Variants in PLCB4 observed in about 807,000 individuals in gnomAD.
PLCB4 encodes the protein 1-phosphatidylinositol 4,5-bisphosphate phosphodiesterase beta-4.
PLCB4 carries 77 observed loss-of-function variants against 178.8 expected under a neutral mutation model. That is an observed-to-expected ratio of 0.43 (90% CI 0.36 to 0.52). PLCB4 has a LOEUF of 0.52. Among genes scored for constraint, PLCB4 ranks in the 20% least tolerant of loss-of-function variants. PLCB4 has a pLI of 0.00. For synonymous variants in PLCB4, 496 were observed against 490.8 expected, an observed-to-expected ratio of 1.01 and a Z score of -0.14; for missense variants, 1,024 against 1,453.4, an observed-to-expected ratio of 0.70 and a Z score of 4.80.
intron 3 of PLCB4, among the ~76,000 whole-genome samples, chr20:9,290,026 A>C (rs941877357): frequency 6.6e-6 from 1 of 152,046 alleles, no homozygotes; most frequent in Admixed American, 6.6e-5. Flanking sequence ...TTACTGCAGA[A>C]GGTCCAGCAT....
intron 28 of PLCB4, among the ~76,000 whole-genome samples, chr20:9,427,933 A>T (rs941488029): frequency 6.6e-6 from 1 of 152,146 alleles, no homozygotes; most frequent in Non-Finnish European, 1.5e-5. Flanking sequence ...TTCTGCAACC[A>T]TAAATTTTGC....
At chr20:9,135,048 AT>A (rs2092354468) in intron 2 of PLCB4, among the ~76,000 whole-genome samples, 1 of 152,072 alleles carries the variant, frequency 6.6e-6, no homozygotes, top group East Asian at 1.9e-4. Flanking sequence ...AAGCTGTAGA[AT>A]TTTAGATTAC....
At chr20:9,394,039 G>A (rs768031018) in intron 18 of PLCB4, among the ~76,000 whole-genome samples, 30 of 152,104 alleles carry the variant, frequency 2.0e-4, no homozygotes, top group Admixed American at 4.6e-4. Context: ...AGTTTGCCCC[G>A]TGCTCTATAC....
At chr20:9,116,432 A>T (rs1259764110) in intron 2 of PLCB4, among the ~76,000 whole-genome samples, 1 of 152,180 alleles carries the variant, frequency 6.6e-6, no homozygotes, top group African/African-American at 2.4e-5. Flanking sequence ...CTAAAAATGT[A>T]CATATCTGCA....
At chr20:9,338,109 T>C in intron 6 of PLCB4, 42 bp downstream of exon 6, 3 of 1,350,688 alleles carry the variant, frequency 2.2e-6, no homozygotes, top group Non-Finnish European at 2.1e-6. Context: ...ACGGATTTAC[T>C]TATATTGGAA....
intron 2 of PLCB4, among the ~76,000 whole-genome samples, chr20:9,190,033 A>G (rs1167440016): frequency 6.6e-6 from 1 of 152,158 alleles, no homozygotes; most frequent in East Asian, 1.9e-4. Flanking sequence ...CGGAGGCACA[A>G]ACTCACATTT....
chr20:9,413,265 C>T (rs2039984056), intron 25 of PLCB4, among the ~76,000 whole-genome samples: 1 of 152,030 alleles, frequency 6.6e-6, no homozygotes, highest in African/African-American at 2.4e-5. Context: ...TCTAACATGC[C>T]ATGAGGAATC....
chr20:9,382,348 G>A (rs2037215149), intron 13 of PLCB4, among the ~76,000 whole-genome samples: 1 of 152,162 alleles, frequency 6.6e-6, no homozygotes, highest in Admixed American at 6.5e-5. Context: ...CCACACAGCA[G>A]CCAGAGTAAA....
At chr20:9,176,757 G>T (rs2093162219) in intron 2 of PLCB4, among the ~76,000 whole-genome samples, 1 of 152,038 alleles carries the variant, frequency 6.6e-6, no homozygotes, top group Non-Finnish European at 1.5e-5. Context: ...CTTAGTGTTT[G>T]TTTACTTTAG....
chr20:9,279,701 G>A (rs561005938), intron 3 of PLCB4, among the ~76,000 whole-genome samples: 13 of 151,832 alleles, frequency 8.6e-5, no homozygotes, highest in Non-Finnish European at 1.5e-4. Context: ...AAATTAGACC[G>A]TACATAAAAG....
intron 2 of PLCB4, among the ~76,000 whole-genome samples, chr20:9,120,170 AACTG>A (rs1600540928): frequency 6.6e-6 from 1 of 152,206 alleles, no homozygotes; most frequent in East Asian, 1.9e-4. Flanking sequence ...GAAGTGAACA[AACTG>A]ACTGAGTGCA....
At chr20:9,398,875 G>A (rs977146210) in intron 19 of PLCB4, among the ~76,000 whole-genome samples, 8 of 152,196 alleles carry the variant, frequency 5.3e-5, no homozygotes, top group Non-Finnish European at 1.0e-4. Context: ...ATCCCACAGC[G>A]GGCAACCGAT....
intron 2 of PLCB4, among the ~76,000 whole-genome samples, chr20:9,098,131 A>T (rs73609409): frequency 0.022 from 3,322 of 152,274 alleles, 113 homozygotes; most frequent in African/African-American, 0.074. Context: ...TTTTTCTCAG[A>T]TTATTTATTT....
intron 33 of PLCB4, among the ~76,000 whole-genome samples, chr20:9,455,164 ACT>A (rs2042983003): frequency 6.6e-6 from 1 of 152,136 alleles, no homozygotes; most frequent in African/African-American, 2.4e-5. Context: ...TGGTAGACAG[ACT>A]CTAATACCAA....
chr20:9,071,266 C>T (rs1282363111), intron 1 of PLCB4, among the ~76,000 whole-genome samples: 3 of 152,178 alleles, frequency 2.0e-5, no homozygotes, highest in Non-Finnish European at 4.4e-5. Flanking sequence ...AGATTACACA[C>T]AACTGTCTTT....
At chr20:9,477,261 A>T (rs1487372055) in intron 39 of PLCB4, among the ~76,000 whole-genome samples, 1 of 152,198 alleles carries the variant, frequency 6.6e-6, no homozygotes, top group Non-Finnish European at 1.5e-5. Flanking sequence ...CTCATAAGTA[A>T]GGTGGTCATA....
chr20:9,421,601 G>A lies in PLCB4; in HGVS notation c.2319+140G>A, dbSNP rs575851347. 3.0e-5 allele frequency: 20 copies of A among 676,474 alleles called. No individual in the cohort carries two copies. In the Middle Eastern group the frequency reaches 1.3e-3, roughly 43 times the overall value. 41.9% of individuals were successfully genotyped at this position (676,474 alleles called of 1,614,324 possible). On this transcript the variant is annotated intron_variant, in intron 27 of 39. Coordinates refer to ENST00000378473, the MANE Select transcript of PLCB4 (RefSeq NM_001377142.1). ...CTTCTCCTAATGGCTAACTTCTGTA[G>A]CTGTCATAGGATCATTGGTTCTATT...
At chr20:9,301,358 G>A (rs944819437) in intron 3 of PLCB4, among the ~76,000 whole-genome samples, 2 of 151,866 alleles carry the variant, frequency 1.3e-5, no homozygotes, top group African/African-American at 4.8e-5. Flanking sequence ...ACCAGAACGT[G>A]AGGCACATGT....
chr20:9,111,627 A>G (rs770884392), intron 2 of PLCB4, among the ~76,000 whole-genome samples: 1 of 152,188 alleles, frequency 6.6e-6, no homozygotes, highest in Non-Finnish European at 1.5e-5. Context: ...GAGGCTGTGG[A>G]TTCACAGTTC....
Sources: gnomAD v4.1 joint callset for allele counts (sites outside exome capture counted in the v4.1 genomes callset) on GRCh38, gnomAD v4.1.1 for gene constraint, MANE v1.5 for transcripts, NCBI Gene and HGNC (gene_info 2026-07-23, HGNC 2026-07-21) for gene names.